The following PBX3 variants were observed in gnomAD, a reference collection of about 807,000 sequenced individuals.
PBX3 encodes PBX homeobox 3.
In PBX3, 14 loss-of-function variants were observed where a neutral mutation model predicts 48.5. The ratio of observed to expected loss-of-function variants is 0.29; its 90% CI spans 0.19 to 0.45. The LOEUF is 0.45. Among genes scored for constraint, PBX3 ranks in the 20% least tolerant of loss-of-function variants. The pLI is 1.00. For missense variants in PBX3, 386 were observed against 546.7 expected (o/e 0.71, Z 2.93); for synonymous variants, 210 against 200.3 (o/e 1.05, Z -0.41).
Position 125,960,719 on chromosome 9 carries a change from C to T in PBX3, c.879C>T (p.Tyr293=), listed in dbSNP as rs1480450432. ...SNWFGNKRIR[Y]KKNIGKFQEE... ...GGTTTGGCAACAAACGAATCAGGTACAAGAAGAACATTGGCAAGTTTCAGG... is the reference window on the plus strand; with the variant it reads ...GGTTTGGCAACAAACGAATCAGGTATAAGAAGAACATTGGCAAGTTTCAGG... Residue 293 remains tyrosine, a synonymous_variant, in exon 6 of 9, where the codon TAC becomes TAT. Coordinates refer to ENST00000373489, the MANE Select transcript of PBX3 (RefSeq NM_006195.6). The T allele has an allele frequency of 2.5e-6, 4 of 1,614,080 alleles. No homozygotes were observed. The highest frequency in any genetic ancestry group is 2.7e-5 in the African/African-American group (2 of 74,936).
chr9:125,841,571 C>T (rs922626873), intron 2 of PBX3, among the ~76,000 whole-genome samples: 3 of 152,136 alleles, frequency 2.0e-5, no homozygotes, highest in Non-Finnish European at 4.4e-5. Context: ...TGTTGTCTTA[C>T]CCCAGTTTAT....
chr9:125,844,117 C>T (rs1430136334), intron 2 of PBX3, among the ~76,000 whole-genome samples: 6 of 151,968 alleles, frequency 3.9e-5, no homozygotes, highest in African/African-American at 1.4e-4. Flanking sequence ...ATATCTTTTT[C>T]TAAAATAGGT....
rs183580289 is a variant in PBX3 at position 125,763,740 on chromosome 9, G to A, written c.274+15117G>A. Among the ~76,000 whole-genome samples the A allele has an allele frequency of 3.9e-5, 6 of 152,298 alleles. No homozygotes were observed. In the East Asian group the frequency reaches 1.2e-3, roughly 29 times the overall value. ...CAATGATTAATGGCAGTGAGCACGG[G>A]AACGCTGTCCCTCCTTTTACTCCAC... On this transcript the variant is annotated intron_variant, in intron 2 of 8. Transcript: ENST00000373489.
intron 2 of PBX3, among the ~76,000 whole-genome samples, chr9:125,778,605 C>CTTTTTTTTTTTTTTTTTTTTT (rs138965100): frequency 7.5e-6 from 1 of 132,902 alleles, no homozygotes; most frequent in African/African-American, 2.8e-5. Flanking sequence ...TTGATCTTTT[C>CTTTTTTTTTTTTTTTTTTTTT]TTTTTTTTTT....
intron 2 of PBX3, among the ~76,000 whole-genome samples, chr9:125,758,247 C>G (rs1564639942): frequency 1.3e-5 from 2 of 151,608 alleles, no homozygotes; most frequent in South Asian, 2.1e-4. Flanking sequence ...ATATTTCTTA[C>G]TTTCAGTGTA....
chr9:125,877,944 G>C (rs1464928910), intron 2 of PBX3, among the ~76,000 whole-genome samples: 1 of 152,128 alleles, frequency 6.6e-6, no homozygotes, highest in Non-Finnish European at 1.5e-5. Context: ...GTTTTGCTTA[G>C]AGTTCACCAT....
intron 2 of PBX3, among the ~76,000 whole-genome samples, chr9:125,824,075 CA>C (rs57963250): frequency 0.039 from 4,222 of 107,552 alleles, 146 homozygotes; most frequent in East Asian, 0.21. Flanking sequence ...GACTTTGTCT[CA>C]AAAAAAAAAA....
At chr9:125,817,330 A>G (rs1245948997) in intron 2 of PBX3, among the ~76,000 whole-genome samples, 2 of 152,224 alleles carry the variant, frequency 1.3e-5, no homozygotes, top group African/African-American at 4.8e-5. Context: ...CTTCAAGAGT[A>G]TTTGCATCCC....
chr9:125,772,477 A>G (rs1199422907), intron 2 of PBX3, among the ~76,000 whole-genome samples: 2 of 152,210 alleles, frequency 1.3e-5, no homozygotes, highest in Admixed American at 6.5e-5. Context: ...GGAGAGATAC[A>G]GTAAGAGTAG....
At chr9:125,773,467 A>G (rs1011307512) in intron 2 of PBX3, among the ~76,000 whole-genome samples, 2 of 152,180 alleles carry the variant, frequency 1.3e-5, no homozygotes, top group Non-Finnish European at 2.9e-5. Flanking sequence ...TGCTCATGAC[A>G]CTGTATTTAA....
At chr9:125,956,753 T>G (rs1651565842) in intron 5 of PBX3, among the ~76,000 whole-genome samples, 1 of 152,356 alleles carries the variant, frequency 6.6e-6, no homozygotes. Context: ...ATCCTTGATA[T>G]GCGGCTCAAC....
Position 125,858,788 on chromosome 9 carries a change from G to T in PBX3, c.275-56898G>T, listed in dbSNP as rs1839790716. 4.6e-5 allele frequency among the ~76,000 whole-genome samples: 7 copies of T among 151,890 alleles called. No homozygotes were observed. The South Asian group carries it at 1.5e-3, about 32-fold the overall frequency. ...TTACAGGCACCTGCCACCATGCCCG[G>T]CTAATTTTTGTATTTTTAGTAGAGA... On this transcript the variant is annotated intron_variant, in intron 2 of 8. Transcript: ENST00000373489.
chr9:125,867,752 C>CTATA (rs938252198), intron 2 of PBX3, among the ~76,000 whole-genome samples: 2 of 140,374 alleles, frequency 1.4e-5, no homozygotes, highest in African/African-American at 6.3e-5. Context: ...CTCTCTCTCT[C>CTATA]TATATATATA....
At chr9:125,817,749 C>A (rs1838508386) in intron 2 of PBX3, among the ~76,000 whole-genome samples, 1 of 151,880 alleles carries the variant, frequency 6.6e-6, no homozygotes, top group African/African-American at 2.4e-5. Context: ...TTTTGTCCTA[C>A]AAATCGAAAA....
intron 5 of PBX3, among the ~76,000 whole-genome samples, chr9:125,952,781 C>A (rs978625043): frequency 6.6e-6 from 1 of 152,026 alleles, no homozygotes; most frequent in African/African-American, 2.4e-5. Flanking sequence ...TTAATTTATT[C>A]ATTAAAATGT....
intron 2 of PBX3, among the ~76,000 whole-genome samples, chr9:125,771,687 A>G (rs1238607181): frequency 6.6e-6 from 1 of 152,186 alleles, no homozygotes; most frequent in Non-Finnish European, 1.5e-5. Flanking sequence ...TTTGTCTGAA[A>G]ATATCTAGTA....
At chr9:125,837,313 T>C (rs988725959) in intron 2 of PBX3, among the ~76,000 whole-genome samples, 9 of 151,420 alleles carry the variant, frequency 5.9e-5, no homozygotes, top group Non-Finnish European at 1.0e-4. Context: ...ATATCTGATA[T>C]AGGAAAAATA....
chr9:125,927,050 A>ATAAT (rs1288960772), intron 3 of PBX3, among the ~76,000 whole-genome samples: 1 of 152,236 alleles, frequency 6.6e-6, no homozygotes, highest in African/African-American at 2.4e-5. Flanking sequence ...AGAATTATTA[A>ATAAT]TATGCACACA....
At chr9:125,923,376 T>C (rs1239235706) in intron 3 of PBX3, among the ~76,000 whole-genome samples, 1 of 152,240 alleles carries the variant, frequency 6.6e-6, no homozygotes. Context: ...TTTGTTGGAA[T>C]TAACAGTGTT....
Sources: allele counts gnomAD v4.1 joint callset (sites outside exome capture counted in the v4.1 genomes callset), GRCh38; gene constraint gnomAD v4.1.1; transcripts MANE v1.5; gene names NCBI Gene and HGNC (gene_info 2026-07-23, HGNC 2026-07-21).